Variants in LRRTM4 observed in about 807,000 individuals in gnomAD.
The protein encoded by LRRTM4 is leucine rich repeat transmembrane neuronal 4.
A neutral mutation model predicts 47.6 loss-of-function variants in LRRTM4; 25 were observed. The ratio of observed to expected loss-of-function variants is 0.53; its 90% confidence interval spans 0.38 to 0.73. The LOEUF is 0.73. LRRTM4 is among the 30% of genes least tolerant of loss of function. The pLI, the probability that LRRTM4 is intolerant of heterozygous loss-of-function variation, is 0.00. For missense variants in LRRTM4, 638 were observed against 713.4 expected, an observed-to-expected ratio of 0.89 and a Z score of 1.20; for synonymous variants, 311 against 269.5, an observed-to-expected ratio of 1.15 and a Z score of -1.51.
In LRRTM4 at chr2:76,981,797, C is replaced by CT. The variant is rs34972659; in HGVS notation, c.1552-232882dup. Among the ~76,000 whole-genome samples, 11 of 151,430 alleles carry CT rather than the reference C, an allele frequency of 7.3e-5. No individual in the cohort carries two copies. In the South Asian group the frequency reaches 8.3e-4, roughly 11 times the overall value. On this transcript the variant is annotated intron_variant, in intron 3 of 3. Transcript: ENST00000409884. ...AGGAGCCACAGCACCAGGCCAGCAT[C>CT]TTTTTTTTTAAATCTATTAAGAAAT...
intron 3 of LRRTM4, among the ~76,000 whole-genome samples, chr2:77,371,775 C>A (rs922890722): frequency 2.0e-5 from 3 of 151,676 alleles, no homozygotes; most frequent in African/African-American, 7.3e-5. Flanking sequence ...TAATGACCTT[C>A]CTTGGCCCCA....
At chr2:77,317,175 C>T (rs748999329) in intron 3 of LRRTM4, among the ~76,000 whole-genome samples, 3 of 151,986 alleles carry the variant, frequency 2.0e-5, no homozygotes, top group Non-Finnish European at 2.9e-5. Flanking sequence ...ATATTGCCAT[C>T]CAAATATTCT....
intron 3 of LRRTM4, among the ~76,000 whole-genome samples, chr2:77,366,122 T>C (rs1672443089): frequency 1.3e-5 from 2 of 150,106 alleles, no homozygotes; most frequent in Admixed American, 1.3e-4. Flanking sequence ...ACAACTTTAT[T>C]AGAAGAATCA....
intron 3 of LRRTM4, among the ~76,000 whole-genome samples, chr2:77,135,728 TA>T (rs1278199264): frequency 2.6e-5 from 4 of 152,144 alleles, no homozygotes; most frequent in Non-Finnish European, 4.4e-5. Flanking sequence ...TTCTTGAATT[TA>T]TTTTGAAACA....
chr2:76,907,478 G>C (rs1673886166), intron 3 of LRRTM4, among the ~76,000 whole-genome samples: 3 of 146,686 alleles, frequency 2.0e-5, no homozygotes, highest in Non-Finnish European at 3.0e-5. Flanking sequence ...CAGAAGGCAA[G>C]AAATAACTAA....
chr2:77,451,106 G>A (rs1027802563), intron 3 of LRRTM4, among the ~76,000 whole-genome samples: 1 of 151,942 alleles, frequency 6.6e-6, no homozygotes, highest in South Asian at 2.1e-4. Context: ...TTCAATTCCA[G>A]TCAGGCCTAA....
Position 77,061,518 on chromosome 2 carries a change from A to T in LRRTM4, c.1552-312602T>A, listed in dbSNP as rs143312296. Among the ~76,000 whole-genome samples, 237 of 152,304 alleles carry T rather than the reference A, an allele frequency of 1.6e-3. 1 individual carries two copies. The highest frequency in any genetic ancestry group is 2.8e-3 in the Non-Finnish European group (192 of 68,014). ...CTGCTTTAGCCTGTTGTATCGCATC[A>T]ATCTTAGGGGTCATGACAAACATTC... On this transcript the variant is annotated intron_variant, in intron 3 of 3. Coordinates refer to ENST00000409884, the MANE Select transcript of LRRTM4 (RefSeq NM_001134745.3).
At chr2:76,901,174 A>G (rs1471241443) in intron 3 of LRRTM4, among the ~76,000 whole-genome samples, 2 of 152,058 alleles carry the variant, frequency 1.3e-5, no homozygotes, top group East Asian at 3.9e-4. Context: ...GGCGTGCATT[A>G]GGTATGTTTG....
chr2:77,041,080 T>C (rs1027223168), intron 3 of LRRTM4, among the ~76,000 whole-genome samples: 5 of 151,452 alleles, frequency 3.3e-5, no homozygotes, highest in African/African-American at 1.2e-4. Flanking sequence ...ACACCCTTCC[T>C]CCTTATACTT....
At chr2:77,148,308 A>G (rs1032181980) in intron 3 of LRRTM4, among the ~76,000 whole-genome samples, 1 of 152,172 alleles carries the variant, frequency 6.6e-6, no homozygotes, top group Non-Finnish European at 1.5e-5. Flanking sequence ...AAAATGCTTA[A>G]GGGAAATGAA....
intron 3 of LRRTM4, among the ~76,000 whole-genome samples, chr2:76,795,819 T>C (rs930291489): frequency 1.3e-5 from 2 of 151,716 alleles, no homozygotes; most frequent in Non-Finnish European, 2.9e-5. Flanking sequence ...GGAGCCAAGA[T>C]GGCCAAATAG....
At chr2:76,893,101 C>T (rs1343956172) in intron 3 of LRRTM4, among the ~76,000 whole-genome samples, 1 of 149,690 alleles carries the variant, frequency 6.7e-6, no homozygotes, top group African/African-American at 2.4e-5. Context: ...GAAACCTGAC[C>T]ACGTAATTTG....
chr2:76,770,444 G>A (rs764949958), intron 3 of LRRTM4, among the ~76,000 whole-genome samples: 1 of 152,128 alleles, frequency 6.6e-6, no homozygotes, highest in African/African-American at 2.4e-5. Flanking sequence ...GTAGTGTAAT[G>A]TTCTGGAGGG....
At chr2:77,191,727 A>G (rs753892211) in intron 3 of LRRTM4, among the ~76,000 whole-genome samples, 4 of 152,084 alleles carry the variant, frequency 2.6e-5, no homozygotes, top group Non-Finnish European at 4.4e-5. Flanking sequence ...AAATTATCAT[A>G]TGGAAGATTT....
rs56028060 is a variant in LRRTM4, at chr2:77,019,253, CAAAA to C, written c.1552-270341_1552-270338del. On this transcript the variant is annotated intron_variant, in intron 3 of 3. Transcript: ENST00000409884. ...GGATACTAAGCTTGTCACTGCTCTA[CAAAA>C]AAAAAAAAAAAAAAAAAAATATAAG... Among the ~76,000 whole-genome samples the C allele has an allele frequency of 3.6e-3, 287 of 80,512 alleles. 5 individuals are homozygous for C. The highest frequency in any genetic ancestry group is 0.012 in the African/African-American group (258 of 21,780). 52.8% of individuals were successfully genotyped at this position (80,512 alleles called of 152,430 possible).
chr2:77,504,624 C>T (rs920029186), intron 3 of LRRTM4, among the ~76,000 whole-genome samples: 5 of 151,362 alleles, frequency 3.3e-5, no homozygotes, highest in African/African-American at 7.3e-5. Context: ...CAAAACAGAA[C>T]GTTGAGGCAT....
In LRRTM4 at chr2:77,487,082, A is replaced by T. The variant is rs541039105; in HGVS notation, c.1551+31236T>A. Among the ~76,000 whole-genome samples, 37 of 152,338 alleles carry T rather than the reference A, an allele frequency of 2.4e-4. No individual in the cohort carries two copies. In the East Asian group the frequency reaches 4.6e-3, roughly 19 times the overall value. ...GTAATGGCAGCAGCAGCCCATCTGG[A>T]GCAGCTGCTGCAAAGACACCGGCTG... On this transcript the variant is annotated intron_variant, in intron 3 of 3. Transcript: ENST00000409884.
At chr2:77,504,267 A>G (rs1303522550) in intron 3 of LRRTM4, among the ~76,000 whole-genome samples, 1 of 151,638 alleles carries the variant, frequency 6.6e-6, no homozygotes, top group Non-Finnish European at 1.5e-5. Context: ...CATATTTTCC[A>G]TAGCTTTTTG....
intron 3 of LRRTM4, among the ~76,000 whole-genome samples, chr2:77,111,039 T>G (rs1012425012): frequency 9.8e-5 from 15 of 152,300 alleles, no homozygotes; most frequent in African/African-American, 3.4e-4. Flanking sequence ...AACAAGGAAT[T>G]GAGAAGCAAG....
Sources: allele counts gnomAD v4.1 joint callset (sites outside exome capture counted in the v4.1 genomes callset), GRCh38; gene constraint gnomAD v4.1.1; transcripts MANE v1.5; gene names NCBI Gene and HGNC (gene_info 2026-07-23, HGNC 2026-07-21).